Variants in KCNIP1 observed in about 807,000 individuals in gnomAD.
KCNIP1 encodes the protein potassium voltage-gated channel interacting protein 1, also known as A-type potassium channel modulatory protein KCNIP1.
A neutral mutation model predicts 33.0 loss-of-function variants in KCNIP1; 18 were observed. The observed-to-expected ratio is 0.55, with a 90% CI of 0.38 to 0.81. KCNIP1 has a LOEUF of 0.81. KCNIP1 is among the 30% of genes least tolerant of loss of function. KCNIP1 has a pLI of 0.00. For missense variants in KCNIP1, 238 were observed against 271.6 expected (o/e 0.88, Z 0.87); for synonymous variants, 93 against 98.3 (o/e 0.95, Z 0.32).
rs534851068 is a variant in KCNIP1, at chr5:170,445,894, A to G, written c.88+91930A>G. Among the ~76,000 whole-genome samples the G allele has an allele frequency of 5.3e-4, 80 of 152,162 alleles. No individual in the cohort carries two copies. The Middle Eastern group carries it at 0.017, about 32-fold the overall frequency. On this transcript the variant is annotated intron_variant, in intron 1 of 7. Transcript: ENST00000377360. ...CTTTAATCCTAATTCATCACTGCACACTCTGCTCCCTTCCCTGGGTGAAGA... is the reference window on the plus strand; with the variant it reads ...CTTTAATCCTAATTCATCACTGCACGCTCTGCTCCCTTCCCTGGGTGAAGA...
In KCNIP1 at chr5:170,476,156, A is replaced by G. The variant is rs985454982; in HGVS notation, c.88+122192A>G. Among the ~76,000 whole-genome samples, 4 of 152,122 alleles carry G rather than the reference A, an allele frequency of 2.6e-5. No individual in the cohort carries two copies. The East Asian group carries it at 7.7e-4, about 29-fold the overall frequency. On this transcript the variant is annotated intron_variant, in intron 1 of 7. Transcript: ENST00000377360. ...TCGCTAATTTTTGTATTTTTTGTAGAGACAGTGTTTTGCCATGTTGCCCAG... is the reference window on the plus strand; with the variant it reads ...TCGCTAATTTTTGTATTTTTTGTAGGGACAGTGTTTTGCCATGTTGCCCAG...
In KCNIP1 at chr5:170,735,743, C is replaced by T. The variant is rs1764367168; in HGVS notation, c.604-16C>T. 7 of 1,612,926 alleles carry T rather than the reference C, an allele frequency of 4.3e-6. No homozygotes were observed. Among genetic ancestry groups the T allele is most frequent in the Admixed American group, 1.7e-5 (1 of 59,974 alleles). On this transcript the variant is annotated splice_polypyrimidine_tract_variant and intron_variant, in intron 7 of 7. Coordinates refer to ENST00000328939, the MANE Select transcript of KCNIP1 (RefSeq NM_014592.4). ...AGACTCAGAGTTCTAACCCTCTTGC[C>T]CTCCTTTTTTCCCAGGACGACAACA...
At chr5:170,503,534 G>A (rs923053220), upstream of KCNIP1, among the ~76,000 whole-genome samples, 2 of 152,140 alleles carry the variant, frequency 1.3e-5, no homozygotes, top group African/African-American at 4.8e-5. Flanking sequence ...AAGGACCCGC[G>A]GAGCAGGACG....
rs1756578129 is a variant in KCNIP1, at chr5:170,464,920, CTGGCT to C, written c.88+110959_88+110963del. On this transcript the variant is annotated intron_variant, in intron 1 of 7. Coordinates refer to the KCNIP1 transcript ENST00000377360. ...AGCCTGCTTTCTAGTCTCTGCCCTA[CTGGCT>C]TGAGTGTGGATGCCCAGACGGTTAG... Among the ~76,000 whole-genome samples the C allele has an allele frequency of 4.6e-5, 7 of 152,324 alleles. No homozygotes were observed. The South Asian group carries it at 1.4e-3, about 32-fold the overall frequency.
chr5:170,404,734 C>T (rs1302558348), intron 1 of KCNIP1, among the ~76,000 whole-genome samples: 1 of 152,172 alleles, frequency 6.6e-6, no homozygotes. Context: ...GAGGCTAGCC[C>T]AGACTCAGTG....
intron 1 of KCNIP1, chr5:170,377,985 T>C (rs1248971149): frequency 2.0e-5 from 3 of 152,162 alleles, no homozygotes; most frequent in Non-Finnish European, 4.4e-5. Flanking sequence ...TCTTTCAACT[T>C]TTCCAAAATG....
At chr5:170,458,189 T>C (rs1425831512) in intron 1 of KCNIP1, among the ~76,000 whole-genome samples, 3 of 151,932 alleles carry the variant, frequency 2.0e-5, no homozygotes, top group Admixed American at 6.5e-5. Flanking sequence ...CTCCAATAAG[T>C]CTGGGATTAT....
At chr5:170,722,100 A>T (rs1763845331) in intron 4 of KCNIP1, among the ~76,000 whole-genome samples, 197 bp downstream of exon 4, 1 of 152,112 alleles carries the variant, frequency 6.6e-6, no homozygotes, top group Admixed American at 6.5e-5. Flanking sequence ...GAACTCAGGG[A>T]CTCAGGGGAC....
rs548141315 is a variant in KCNIP1, at chr5:170,373,352, G to A, written c.88+19388G>A. On this transcript the variant is annotated intron_variant, in intron 1 of 7. Transcript: ENST00000377360. ...CTCACATTTCTACAGGGCACGGTGT[G>A]GGAGGGGCCTGGAGGCCTTGTCTCT... Among the ~76,000 whole-genome samples the A allele has an allele frequency of 7.2e-5, 11 of 152,332 alleles. No individual in the cohort carries two copies. In the South Asian group the frequency reaches 2.3e-3, roughly 32 times the overall value.
intron 1 of KCNIP1, among the ~76,000 whole-genome samples, chr5:170,430,218 C>A (rs80153582): frequency 0.049 from 7,394 of 152,272 alleles, 338 homozygotes; most frequent in African/African-American, 0.12. Context: ...AAGGTAGGAC[C>A]CAATAGGGGC....
chr5:170,721,802 C>G (rs367795623), intron 3 of KCNIP1, 31 bp from the exon 4 acceptor site: 1 of 1,614,068 alleles, frequency 6.2e-7, no homozygotes, highest in Non-Finnish European at 8.5e-7. Flanking sequence ...ATTCCTGCCC[C>G]CATCACCTGC....
At chr5:170,631,468 CT>C (rs1760048835) in intron 1 of KCNIP1, among the ~76,000 whole-genome samples, 1 of 152,082 alleles carries the variant, frequency 6.6e-6, no homozygotes, top group South Asian at 2.1e-4. Context: ...ATTTCAAACG[CT>C]TTTTGAAAGC....
At chr5:170,505,938 T>C (rs1754699106) in intron 1 of KCNIP1, among the ~76,000 whole-genome samples, 1 of 152,228 alleles carries the variant, frequency 6.6e-6, no homozygotes, top group African/African-American at 2.4e-5. Context: ...GTTGTCCTGT[T>C]ACCAGTCCTG....
In KCNIP1 at chr5:170,365,231, G is replaced by A. The variant is rs112496606; in HGVS notation, c.88+11267G>A. On this transcript the variant is annotated intron_variant, in intron 1 of 7. Transcript: ENST00000377360. ...GGGAAGGCCACCCAGCAAGCCAGAC[G>A]CAGAGCTGGCCTTGAATCTGGGCTT... Among the ~76,000 whole-genome samples the A allele has an allele frequency of 5.7e-3, 866 of 152,260 alleles. 4 individuals are homozygous for A. The highest frequency in any genetic ancestry group is 0.013 in the African/African-American group (544 of 41,550).
chr5:170,621,441 C>T (rs188361588), intron 1 of KCNIP1, among the ~76,000 whole-genome samples: 272 of 152,302 alleles, frequency 1.8e-3, no homozygotes, highest in African/African-American at 6.2e-3. Context: ...TGGGGGAGAT[C>T]TGTGAGCACC....
At chr5:170,388,351 C>T (rs562342448) in intron 1 of KCNIP1, among the ~76,000 whole-genome samples, 5 of 152,110 alleles carry the variant, frequency 3.3e-5, no homozygotes, top group Admixed American at 1.3e-4. Flanking sequence ...AAAGGGAGAA[C>T]CTTTGGCGGG....
chr5:170,666,656 T>A (rs1441618252), intron 1 of KCNIP1, among the ~76,000 whole-genome samples: 2 of 152,232 alleles, frequency 1.3e-5, no homozygotes, highest in Non-Finnish European at 2.9e-5. Context: ...TCTGGTCTTT[T>A]TGCTAGTTGC....
chr5:170,710,689 T>TA (rs1763414371), intron 1 of KCNIP1, among the ~76,000 whole-genome samples: 2 of 152,148 alleles, frequency 1.3e-5, no homozygotes, highest in Non-Finnish European at 2.9e-5. Flanking sequence ...GATTTTTTTT[T>TA]AAATCCTTTT....
intron 1 of KCNIP1, among the ~76,000 whole-genome samples, chr5:170,511,969 C>T (rs962843059): frequency 5.9e-4 from 90 of 152,216 alleles, no homozygotes; most frequent in Non-Finnish European, 1.5e-5. Context: ...CCACACGGAA[C>T]AACTGAGCTA....
Sources: gnomAD v4.1 joint callset for allele counts (sites outside exome capture counted in the v4.1 genomes callset) on GRCh38, gnomAD v4.1.1 for gene constraint, MANE v1.5 for transcripts, NCBI Gene and HGNC (gene_info 2026-07-23, HGNC 2026-07-21) for gene names.